CNGB3: variants seen among roughly 807,000 people sequenced by gnomAD.
CNGB3 encodes the protein cyclic nucleotide gated channel subunit beta 3.
A neutral mutation model predicts 92.8 loss-of-function variants in CNGB3; 86 were observed. The ratio of observed to expected loss-of-function variants is 0.93; its 90% CI spans 0.78 to 1.11. CNGB3 has a LOEUF of 1.11. CNGB3 is among the 50% of genes least tolerant of loss of function. CNGB3 has a pLI of 0.00. For synonymous variants in CNGB3, 333 were observed against 332.7 expected (o/e 1.00, Z -0.01); for missense variants, 1,026 against 956.8 (o/e 1.07, Z -0.95).
At chr8:86,661,040 T>A (rs1823631205) in intron 6 of CNGB3, 1 of 237,218 alleles carries the variant, frequency 4.2e-6, no homozygotes, top group South Asian at 5.4e-5. Context: ...TTCCTGGGTT[T>A]TTTTGTGTTT....
chr8:86,718,883 T>TAA (rs1260088401), intron 3 of CNGB3, among the ~76,000 whole-genome samples: 1 of 152,064 alleles, frequency 6.6e-6, no homozygotes, highest in Non-Finnish European at 1.5e-5. Flanking sequence ...AGTCAATAAA[T>TAA]GTGATACATC....
intron 14 of CNGB3, among the ~76,000 whole-genome samples, chr8:86,608,342 C>T (rs757954745): frequency 6.6e-6 from 1 of 152,206 alleles, no homozygotes; most frequent in African/African-American, 2.4e-5. Context: ...CAGAAGGGCT[C>T]CTTGGTCTAA....
chr8:86,599,113 G>T (rs144585426), intron 15 of CNGB3, among the ~76,000 whole-genome samples: 1 of 152,164 alleles, frequency 6.6e-6, no homozygotes, highest in African/African-American at 2.4e-5. Context: ...GCAGAAGAAC[G>T]TGGATTGTGA....
intron 17 of CNGB3, among the ~76,000 whole-genome samples, chr8:86,578,357 T>C (rs1375104259): frequency 2.0e-5 from 3 of 152,186 alleles, no homozygotes; most frequent in African/African-American, 7.2e-5. Flanking sequence ...AAAAGCACCA[T>C]GAGTATTGAT....
chr8:86,592,598 G>A (rs1051144997), intron 15 of CNGB3, among the ~76,000 whole-genome samples: 4 of 152,106 alleles, frequency 2.6e-5, no homozygotes, highest in Non-Finnish European at 5.9e-5. Flanking sequence ...TTAAGCAGAT[G>A]CAATTTAGAA....
chr8:86,635,821 G>GATATATAT (rs57486853), intron 10 of CNGB3, among the ~76,000 whole-genome samples: 86 of 60,552 alleles, frequency 1.4e-3, no homozygotes, highest in Non-Finnish European at 1.6e-3. Context: ...TATAACACAT[G>GATATATAT]ATATATATAT....
intron 3 of CNGB3, among the ~76,000 whole-genome samples, chr8:86,712,050 T>C (rs985961932): frequency 4.6e-5 from 7 of 152,010 alleles, no homozygotes; most frequent in African/African-American, 1.7e-4. Flanking sequence ...GCTTCTGGTA[T>C]TGAATTTTGA....
chr8:86,629,175 G>A (rs1866907), intron 11 of CNGB3, 97 bp from the exon 12 acceptor site: 2 of 1,308,728 alleles, frequency 1.5e-6, no homozygotes, highest in Non-Finnish European at 2.2e-6. Flanking sequence ...TCCTTCTAAT[G>A]CCCTGATTAC....
chr8:86,594,001 G>A, intron 15 of CNGB3: 1 of 436,032 alleles, frequency 2.3e-6, no homozygotes, highest in Non-Finnish European at 4.4e-6. Context: ...CCTGGTACAA[G>A]TACTCCTTAT....
intron 15 of CNGB3, among the ~76,000 whole-genome samples, chr8:86,596,588 C>A (rs952759723): frequency 2.6e-5 from 4 of 152,148 alleles, no homozygotes; most frequent in African/African-American, 9.7e-5. Flanking sequence ...ATTTATTAGG[C>A]ACTTATGTGG....
At chr8:86,585,468 G>T (rs534832138) in intron 15 of CNGB3, among the ~76,000 whole-genome samples, 4 of 152,214 alleles carry the variant, frequency 2.6e-5, no homozygotes, top group African/African-American at 9.6e-5. Context: ...CTGGAGTTGT[G>T]CAGTGTACAA....
At chr8:86,641,974 C>T (rs1823196990) in intron 10 of CNGB3, among the ~76,000 whole-genome samples, 1 of 151,738 alleles carries the variant, frequency 6.6e-6, no homozygotes, top group South Asian at 2.1e-4. Context: ...TTCTTATGGG[C>T]TAAAGCTGAG....
At position 86,594,257 on chromosome 8, in the gene CNGB3, GT is replaced by G; in HGVS notation, c.1781+9835del. ...CAAGCTGGAACCAGTCCTTGCCTGG[GT>G]GAGCTTTCGGATGCCCTCCGCCATC... On this transcript the variant is annotated intron_variant, in intron 15 of 17. Coordinates refer to ENST00000320005, the MANE Select transcript of CNGB3 (RefSeq NM_019098.5). The G allele has an allele frequency of 1.2e-5, 3 of 259,464 alleles. No homozygotes were observed. In the South Asian group the frequency reaches 1.2e-4, roughly 11 times the overall value. The allele number at this position is 259,464 out of a possible 1,614,324, so 16.1% of individuals were successfully genotyped here. A position where few individuals can be genotyped will look rare whatever the true frequency, so the allele number is the denominator to read the frequency against.
At chr8:86,701,850 A>G (rs1824563766) in intron 3 of CNGB3, among the ~76,000 whole-genome samples, 1 of 152,206 alleles carries the variant, frequency 6.6e-6, no homozygotes, top group Non-Finnish European at 1.5e-5. Flanking sequence ...TAAATGGTCA[A>G]AAATAAGTAG....
chr8:86,693,397 A>G (rs1335367589), intron 3 of CNGB3, among the ~76,000 whole-genome samples: 3 of 150,078 alleles, frequency 2.0e-5, no homozygotes, highest in Non-Finnish European at 4.4e-5. Flanking sequence ...TCTCAAATTT[A>G]TTGGAAACTT....
intron 13 of CNGB3, among the ~76,000 whole-genome samples, chr8:86,613,161 A>G (rs1262869827): frequency 5.3e-5 from 8 of 152,192 alleles, no homozygotes; most frequent in Non-Finnish European, 1.5e-5. Context: ...CCTTTTATGC[A>G]GAGGGAAATT....
intron 15 of CNGB3, chr8:86,594,127 C>T (rs1822117391): frequency 3.4e-6 from 1 of 297,570 alleles, no homozygotes; most frequent in Non-Finnish European, 6.7e-6. Context: ...CTTACAAAAC[C>T]ACGGAGGTCT....
At chr8:86,647,992 TTTG>T (rs1242866671) in intron 7 of CNGB3, 105 bp from the exon 8 acceptor site, 1 of 795,414 alleles carries the variant, frequency 1.3e-6, no homozygotes, top group Non-Finnish European at 2.3e-6. Flanking sequence ...CAATATATTA[TTTG>T]TTGTTTAATC....
chr8:86,594,565 TG>T, intron 15 of CNGB3: 1 of 318,514 alleles, frequency 3.1e-6, no homozygotes, highest in East Asian at 1.1e-4. Context: ...GGGAAGGGTC[TG>T]GGTCCACTGT....
Sources: allele counts gnomAD v4.1 joint callset (sites outside exome capture counted in the v4.1 genomes callset), GRCh38; gene constraint gnomAD v4.1.1; transcripts MANE v1.5; gene names NCBI Gene and HGNC (gene_info 2026-07-23, HGNC 2026-07-21).